ASAP2: variants seen among roughly 807,000 people sequenced by gnomAD.
ASAP2 encodes the protein arf-GAP with SH3 domain, ANK repeat and PH domain-containing protein 2.
A neutral mutation model predicts 131.4 loss-of-function variants in ASAP2; 45 were observed. That is an observed-to-expected ratio of 0.34 (90% CI 0.27 to 0.44). ASAP2 has a LOEUF of 0.44. Among genes scored for constraint, ASAP2 ranks in the 20% least tolerant of loss-of-function variants. ASAP2 has a pLI of 1.00. For missense variants in ASAP2, 1,011 were observed against 1,297.0 expected (o/e 0.78, Z 3.39); for synonymous variants, 510 against 503.0 (o/e 1.01, Z -0.19).
At chr2:9,323,979 C>T (rs1670325025) in intron 6 of ASAP2, among the ~76,000 whole-genome samples, 1 of 152,234 alleles carries the variant, frequency 6.6e-6, no homozygotes, top group African/African-American at 2.4e-5. Flanking sequence ...CCACCTCTGC[C>T]TGGGGTTAAT....
In ASAP2 at chr2:9,334,832, A is replaced by G. The variant is rs1407148349; in HGVS notation, c.762+19A>G. On this transcript the variant is annotated intron_variant, in intron 8 of 27. Coordinates refer to ENST00000281419, the MANE Select transcript of ASAP2 (RefSeq NM_003887.3). ...TCACACGGTGAGTAGCTTCCCTCCC[A>G]CTGTGGTTTAAAACCATCTTAATGC... 1 of 1,604,022 alleles carries G rather than the reference A, an allele frequency of 6.2e-7. No homozygotes were observed. Among genetic ancestry groups the G allele is most frequent in the African/African-American group, 1.3e-5 (1 of 74,550 alleles).
intron 12 of ASAP2, among the ~76,000 whole-genome samples, chr2:9,352,462 C>T (rs756830442): frequency 3.9e-5 from 6 of 152,222 alleles, no homozygotes; most frequent in Non-Finnish European, 7.3e-5. Context: ...GTGAACCTAT[C>T]ACCTGGAGGT....
At chr2:9,366,816 ATT>A (rs1304335432) in intron 15 of ASAP2, among the ~76,000 whole-genome samples, 3 of 152,028 alleles carry the variant, frequency 2.0e-5, no homozygotes, top group Non-Finnish European at 4.4e-5. Flanking sequence ...ACCCCACATA[ATT>A]CTTCTGTTTT....
At chr2:9,359,005 G>A in intron 15 of ASAP2, 116 bp downstream of exon 15, 1 of 1,274,934 alleles carries the variant, frequency 7.8e-7, no homozygotes, top group South Asian at 1.6e-5. Flanking sequence ...TTGCCAGATT[G>A]GTTTGGATAA....
chr2:9,265,521 C>T (rs2709584), intron 1 of ASAP2, among the ~76,000 whole-genome samples: 1 of 151,846 alleles, frequency 6.6e-6, no homozygotes, highest in African/African-American at 2.4e-5. Flanking sequence ...TTCTTTAATT[C>T]GAAAAAATTA....
chr2:9,359,927 A>G (rs957433050), intron 15 of ASAP2, among the ~76,000 whole-genome samples: 4 of 152,214 alleles, frequency 2.6e-5, no homozygotes, highest in African/African-American at 9.6e-5. Context: ...AGCTAGACTC[A>G]CTTAAAATGT....
chr2:9,305,989 A>G (rs1668904292), intron 3 of ASAP2, among the ~76,000 whole-genome samples: 2 of 131,882 alleles, frequency 1.5e-5, no homozygotes, highest in Non-Finnish European at 1.6e-5. Context: ...GGGTATAGAT[A>G]TTGGTGTAGA....
chr2:9,259,183 T>G (rs1665402353), intron 1 of ASAP2, among the ~76,000 whole-genome samples: 1 of 152,240 alleles, frequency 6.6e-6, no homozygotes, highest in South Asian at 2.1e-4. Flanking sequence ...GTTTCAAATT[T>G]TCTTTTCTTT....
At chr2:9,271,640 T>C (rs1286754161) in intron 1 of ASAP2, 4 of 916,520 alleles carry the variant, frequency 4.4e-6, no homozygotes, top group Non-Finnish European at 6.4e-6. Context: ...CGATCCAATT[T>C]CTTTTTCTCG....
chr2:9,369,921 A>G (rs944657988), intron 16 of ASAP2, among the ~76,000 whole-genome samples: 1 of 152,092 alleles, frequency 6.6e-6, no homozygotes, highest in African/African-American at 2.4e-5. Context: ...GGCTCACTGC[A>G]GCATCCGCCT....
chr2:9,365,219 GT>G (rs796648167), intron 15 of ASAP2, among the ~76,000 whole-genome samples: 23 of 152,324 alleles, frequency 1.5e-4, no homozygotes, highest in African/African-American at 5.5e-4. Context: ...GGAGGCAGCA[GT>G]TTGGTCAAGC....
chr2:9,254,254 T>TATATATATACATATATATATAC (rs1553297027), intron 1 of ASAP2, among the ~76,000 whole-genome samples: 1 of 65,766 alleles, frequency 1.5e-5, no homozygotes, highest in African/African-American at 7.4e-5. Context: ...TATATATATA[T>TATATATATACATATATATATAC]ACACGTGTGT....
At position 9,311,754 on chromosome 2, in the gene ASAP2, C is replaced by T. The variant is rs1372647844; in HGVS notation, c.346-6770C>T. 6.6e-6 allele frequency among the ~76,000 whole-genome samples: 1 copy of T among 152,188 alleles called. No homozygotes were observed. On this transcript the variant is annotated intron_variant, in intron 3 of 27. Coordinates refer to ENST00000281419, the MANE Select transcript of ASAP2 (RefSeq NM_003887.3). The surrounding 1 kb of genome is among the most constrained non-coding windows in gnomAD (Gnocchi z 5.2). The stretch of plus-strand genomic sequence containing the variant: ...CACACAGAGGAAGCCCAGAGCCTGC[C>T]CGCCACTCAGGCTGCAGGGCACACC...
At chr2:9,357,443 C>T (rs914597972) in intron 14 of ASAP2, among the ~76,000 whole-genome samples, 2 of 152,160 alleles carry the variant, frequency 1.3e-5, no homozygotes, top group African/African-American at 4.8e-5. Context: ...CACGCCACTG[C>T]ACTCCAGCCT....
At chr2:9,236,505 A>C (rs1572218935) in intron 1 of ASAP2, among the ~76,000 whole-genome samples, 1 of 152,202 alleles carries the variant, frequency 6.6e-6, no homozygotes, top group South Asian at 2.1e-4. Flanking sequence ...AATAAAATTA[A>C]AATTGTCTCT....
At position 9,321,716 on chromosome 2, in the gene ASAP2, G is replaced by A. The variant is rs189191905; in HGVS notation, c.470+1379G>A. ...AAGGGCTTTCTGAAGAAGAGTGCCT[G>A]AGAGAGTCATCTGGTTCTGAAAAGA... is the stretch of plus-strand genomic sequence containing the variant. On this transcript the variant is annotated intron_variant, in intron 5 of 27. Transcript: ENST00000281419. Among the ~76,000 whole-genome samples the A allele has an allele frequency of 2.6e-5, 4 of 152,256 alleles. No individual in the cohort carries two copies. The East Asian group carries it at 7.7e-4, about 29-fold the overall frequency.
At chr2:9,221,882 C>T (rs1188963433) in intron 1 of ASAP2, among the ~76,000 whole-genome samples, 1 of 152,226 alleles carries the variant, frequency 6.6e-6, no homozygotes, top group African/African-American at 2.4e-5. Context: ...CAAGCTCTGC[C>T]TCCCAGGTTC....
intron 24 of ASAP2, among the ~76,000 whole-genome samples, chr2:9,397,286 G>A (rs1040057447): frequency 8.5e-5 from 13 of 152,302 alleles, no homozygotes; most frequent in Non-Finnish European, 1.6e-4. Context: ...TCTGAGAACC[G>A]TGGTTGTCAG....
At chr2:9,362,097 A>G (rs1321495661) in intron 15 of ASAP2, among the ~76,000 whole-genome samples, 1 of 152,096 alleles carries the variant, frequency 6.6e-6, no homozygotes, top group Non-Finnish European at 1.5e-5. Flanking sequence ...CCTTTCAGAA[A>G]AATGGTCCCC....
Sources: gnomAD v4.1 joint callset for allele counts (sites outside exome capture counted in the v4.1 genomes callset) on GRCh38, gnomAD v4.1.1 for gene constraint, Gnocchi (gnomAD v3.1) non-coding constraint, MANE v1.5 for transcripts, NCBI Gene and HGNC (gene_info 2026-07-23, HGNC 2026-07-21) for gene names.